Variants in ZNF577 observed in about 807,000 individuals in gnomAD.
ZNF577 encodes zinc finger protein 577.
ZNF577 carries 14 observed loss-of-function variants against 13.9 expected under a neutral mutation model. That is an observed-to-expected ratio of 1.00 (90% confidence interval 0.66 to 1.57). ZNF577 has a LOEUF of 1.57. Among genes scored for constraint, ZNF577 ranks in the 40% most tolerant of loss-of-function variants. ZNF577 has a pLI of 0.00. For synonymous variants in ZNF577, 203 were observed against 202.9 expected (o/e 1.00, Z 0.00); for missense variants, 555 against 579.2 (o/e 0.96, Z 0.43).
At chr19:51,804,684 T>C (rs2084045882), downstream of ZNF577, 1 of 152,160 alleles carries the variant, frequency 6.6e-6, no homozygotes, top group Admixed American at 6.5e-5. Flanking sequence ...ATTATAGTTA[T>C]ATATGAGGAT....
Position 51,880,398 on chromosome 19 carries a change from T to C in ZNF577, c.-16A>G. Reference sequence around the variant, plus strand: ...CATTTTTCATGTGTTTCCTGTTATTTCAGCTGCCAAAAAAAAGGAGACACA... The same window carrying C: ...CATTTTTCATGTGTTTCCTGTTATTCCAGCTGCCAAAAAAAAGGAGACACA... On this transcript the variant is annotated 5_prime_UTR_variant, in exon 3 of 6. Coordinates refer to ENST00000638348, the MANE Select transcript of ZNF577 (RefSeq NM_001370449.1). The C allele has an allele frequency of 6.2e-7, 1 of 1,613,932 alleles. No homozygotes were observed. Among genetic ancestry groups the C allele is most frequent in the Non-Finnish European group, 8.5e-7 (1 of 1,179,962 alleles).
At chr19:51,815,376 A>G (rs1347747641) in intron 9 of ZNF577, among the ~76,000 whole-genome samples, 2 of 152,108 alleles carry the variant, frequency 1.3e-5, no homozygotes, top group African/African-American at 4.8e-5. Flanking sequence ...CCTGGCCAAC[A>G]TGATGAAACT....
At chr19:51,856,369 TA>T (rs2084420171) in intron 5 of ZNF577, among the ~76,000 whole-genome samples, 1 of 152,208 alleles carries the variant, frequency 6.6e-6, no homozygotes, top group Non-Finnish European at 1.5e-5. Context: ...AATGAACTGT[TA>T]AAAATTCGAA....
chr19:51,878,407 T>A lies in ZNF577; in HGVS notation c.169A>T (p.Ile57Phe). Residue 57 changes from isoleucine to phenylalanine, a missense_variant, in exon 4 of 6, where the codon ATC becomes TTC. By Grantham distance (21) the Ile-to-Phe change is conservative (BLOSUM62 0). Coordinates refer to ENST00000638348, the MANE Select transcript of ZNF577 (RefSeq NM_001370449.1). ...TCCTTACCTATTGATACTAGGTTGA[T>A]GTAGTTCTCCAACATTACTTCCTTG... is the stretch of plus-strand genomic sequence containing the variant. ...LYKEVMLENY[I>F]NLVSIGYRGT... 2 of 1,614,128 alleles carry A rather than the reference T, an allele frequency of 1.2e-6. No homozygotes were observed. The highest frequency in any genetic ancestry group is 1.7e-6 in the Non-Finnish European group (2 of 1,179,972).
At position 51,867,346 on chromosome 19, in the gene ZNF577, T is replaced by C. The variant is rs910938563; in HGVS notation, c.*5186A>G. Among the ~76,000 whole-genome samples, 1 of 152,166 alleles carries C rather than the reference T, an allele frequency of 6.6e-6. No homozygotes were observed. Among genetic ancestry groups the C allele is most frequent in the African/African-American group, 2.4e-5 (1 of 41,440 alleles). ...TCATTTCTAAGGTATGATCTAGATA[T>C]TGTCTTTTCTGATTCTGAACATCGG... On this transcript the variant is annotated 3_prime_UTR_variant, in exon 6 of 6. Coordinates refer to ENST00000638348, the MANE Select transcript of ZNF577 (RefSeq NM_001370449.1).
intron 9 of ZNF577, chr19:51,817,835 G>A (rs888305745): frequency 2.6e-5 from 4 of 152,324 alleles, no homozygotes; most frequent in Admixed American, 2.0e-4. Context: ...CTCAGCTAGT[G>A]GTAAGTTGGG....
At position 51,871,063 on chromosome 19, in the gene ZNF577, T is replaced by C. The variant is rs1386582065; in HGVS notation, c.*1469A>G. 1.3e-5 allele frequency among the ~76,000 whole-genome samples: 2 copies of C among 152,182 alleles called. No individual in the cohort carries two copies. Among genetic ancestry groups the C allele is most frequent in the Admixed American group, 6.5e-5 (1 of 15,272 alleles). ...AGTTAGTCAATATCCAGGTGCATTA[T>C]GTCATATGCATTCCGTACTCATAAT... is the stretch of plus-strand genomic sequence containing the variant. On this transcript the variant is annotated 3_prime_UTR_variant, in exon 6 of 6. Coordinates refer to ENST00000638348, the MANE Select transcript of ZNF577 (RefSeq NM_001370449.1).
At position 51,824,081 on chromosome 19, in the gene ZNF577, C is replaced by T; in HGVS notation, c.*600-12407G>A. ...TTATGATAGACATCAACCTGTTTGT[C>T]AGTGTCTACCTGATCACCATCATTG... On this transcript the variant is annotated intron_variant and NMD_transcript_variant, in intron 9 of 10. Transcript: ENST00000638827. This position sits in a 1 kb window ranked among gnomAD's most constrained non-coding sequence, Gnocchi z 4.7. 3 of 1,614,098 alleles carry T rather than the reference C, an allele frequency of 1.9e-6. No homozygotes were observed. Among genetic ancestry groups the T allele is most frequent in the Non-Finnish European group, 2.5e-6 (3 of 1,180,002 alleles).
chr19:51,873,807 A>G (rs947474597), intron 5 of ZNF577, 101 bp from the exon 6 acceptor site: 4 of 946,740 alleles, frequency 4.2e-6, no homozygotes, highest in African/African-American at 1.7e-5. Context: ...TTCCAAGGGC[A>G]TAACTTTGTT....
At chr19:51,844,271 T>C (rs1171700594) in intron 6 of ZNF577, among the ~76,000 whole-genome samples, 1 of 152,168 alleles carries the variant, frequency 6.6e-6, no homozygotes, top group Admixed American at 6.6e-5. Context: ...GATTTTAAGT[T>C]TCCTAGCTGT....
intron 9 of ZNF577, among the ~76,000 whole-genome samples, chr19:51,835,705 T>C (rs2084284236): frequency 6.6e-6 from 1 of 152,068 alleles, no homozygotes; most frequent in Non-Finnish European, 1.5e-5. Context: ...ATCAGTATCT[T>C]TTTTTTTGAG....
intron 9 of ZNF577, among the ~76,000 whole-genome samples, chr19:51,816,231 T>C (rs1028389140): frequency 6.6e-6 from 1 of 152,222 alleles, no homozygotes; most frequent in Admixed American, 6.5e-5. Flanking sequence ...CTATTTTGAC[T>C]GTTTTTGAGC....
At position 51,872,899 on chromosome 19, in the gene ZNF577, G is replaced by A. The variant is rs1335293980; in HGVS notation, c.1091C>T (p.Ala364Val). Reference protein sequence around the residue: ...YSCRECGKAFAHMSVLIKHEK... With the variant: ...YSCRECGKAFVHMSVLIKHEK... Reference sequence around the variant, plus strand: ...ATGTTTAATGAGGACTGACATGTGGGCAAAGGCTTTGCCACATTCTCTGCA... The same window carrying A: ...ATGTTTAATGAGGACTGACATGTGGACAAAGGCTTTGCCACATTCTCTGCA... Residue 364 changes from alanine to valine, a missense_variant, in exon 6 of 6, where the codon GCC (alanine) becomes GTC (valine). By Grantham distance (64) the Ala-to-Val change is moderately conservative (BLOSUM62 0). Coordinates refer to ENST00000638348, the MANE Select transcript of ZNF577 (RefSeq NM_001370449.1). 6.2e-7 allele frequency: 1 copy of A among 1,614,174 alleles called. No homozygotes were observed. Among genetic ancestry groups the A allele is most frequent in the South Asian group, 1.1e-5 (1 of 91,080 alleles).
At chr19:51,847,656 A>C (rs563793769) in intron 5 of ZNF577, among the ~76,000 whole-genome samples, 1 of 152,252 alleles carries the variant, frequency 6.6e-6, no homozygotes, top group East Asian at 1.9e-4. Flanking sequence ...CTAAACACTG[A>C]TGCCGGCCCT....
Position 51,824,904 on chromosome 19 carries a change from C to A in ZNF577, c.*600-13230G>T. ...TGTTTTTCTTCCTCTTTCATACCAC[C>A]ACCACCACAATCATCAACATAAAGG... On this transcript the variant is annotated intron_variant and NMD_transcript_variant, in intron 9 of 10. Coordinates refer to the ZNF577 transcript ENST00000638827. The surrounding 1 kb of genome is among the most constrained non-coding windows in gnomAD (Gnocchi z 4.7). 1.1e-6 allele frequency: 1 copy of A among 941,092 alleles called. No homozygotes were observed. Among genetic ancestry groups the A allele is most frequent in the Non-Finnish European group, 1.6e-6 (1 of 630,314 alleles). 58.3% of individuals were successfully genotyped at this position (941,092 alleles called of 1,614,324 possible). A position where few individuals can be genotyped will look rare whatever the true frequency, so the allele number is the denominator to read the frequency against.
chr19:51,807,617 T>G (rs2084068983), intron 10 of ZNF577, among the ~76,000 whole-genome samples: 2 of 152,204 alleles, frequency 1.3e-5, no homozygotes, highest in Non-Finnish European at 2.9e-5. Flanking sequence ...GCATGACCTT[T>G]GGAAGAGCCA....
At chr19:51,877,906 A>T (rs2122695274) in intron 4 of ZNF577, 1 of 157,100 alleles carries the variant, frequency 6.4e-6, no homozygotes, top group African/African-American at 2.4e-5. Flanking sequence ...GTATATATAT[A>T]TACAAAAGAA....
rs200598804 is a variant in ZNF577, at chr19:51,880,372, G to T, written c.11C>A (p.Ala4Asp). ...TCTCCTCACAGACATTACAATCGTG[G>T]CATTTTTCATGTGTTTCCTGTTATT... Reference protein sequence around the residue: MKNATIVMSVRREQ... With the variant: MKNDTIVMSVRREQ... Residue 4 changes from alanine (A) to aspartate (D), a missense_variant, in exon 3 of 6, where the codon GCC becomes GAC. By Grantham distance (126) the Ala-to-Asp change is moderately radical (BLOSUM62 -2). Coordinates refer to ENST00000638348, the MANE Select transcript of ZNF577 (RefSeq NM_001370449.1). The T allele has an allele frequency of 7.7e-5, 125 of 1,613,900 alleles. No homozygotes were observed. Among genetic ancestry groups the T allele is most frequent in the Non-Finnish European group, 3.4e-6 (4 of 1,179,998 alleles).
chr19:51,884,690 C>T (rs150128543), intron 1 of ZNF577, among the ~76,000 whole-genome samples: 2 of 151,866 alleles, frequency 1.3e-5, no homozygotes, highest in Non-Finnish European at 2.9e-5. Flanking sequence ...CATTGATTTT[C>T]ATCCTTCCTT....
Sources: gnomAD v4.1 joint callset for allele counts (sites outside exome capture counted in the v4.1 genomes callset) on GRCh38, gnomAD v4.1.1 for gene constraint, Gnocchi (gnomAD v3.1) non-coding constraint, MANE v1.5 for transcripts, NCBI Gene and HGNC (gene_info 2026-07-23, HGNC 2026-07-21) for gene names.